MACROD2: variants seen among roughly 807,000 people sequenced by gnomAD.
The protein encoded by MACROD2 is ADP-ribose glycohydrolase MACROD2.
MACROD2 carries 36 observed loss-of-function variants against 70.4 expected under a neutral mutation model. The ratio of observed to expected loss-of-function variants is 0.51; its 90% CI spans 0.39 to 0.68. MACROD2 has a LOEUF of 0.68. Ranked by LOEUF, MACROD2 falls within the 30% of genes least tolerant of loss-of-function variation. The probability of loss-of-function intolerance (pLI) is 0.00; values close to 1 mark genes in which losing one functional copy is unlikely to be tolerated. For missense variants in MACROD2, 496 were observed against 538.4 expected (o/e 0.92, Z 0.78); for synonymous variants, 172 against 178.8 (o/e 0.96, Z 0.30).
At chr20:15,189,429 G>T (rs897676925) in intron 5 of MACROD2, among the ~76,000 whole-genome samples, 2 of 152,040 alleles carry the variant, frequency 1.3e-5, no homozygotes, top group Non-Finnish European at 2.9e-5. Context: ...AGAATCAACC[G>T]GAATTCGGGC....
At chr20:15,233,363 A>C (rs538307424) in intron 6 of MACROD2, among the ~76,000 whole-genome samples, 3 of 152,138 alleles carry the variant, frequency 2.0e-5, no homozygotes, top group Admixed American at 1.3e-4. Context: ...AATTGGAGAA[A>C]GGTCTGAAAG....
At chr20:14,435,242 T>A (rs1318880789) in intron 3 of MACROD2, among the ~76,000 whole-genome samples, 1 of 152,152 alleles carries the variant, frequency 6.6e-6, no homozygotes. Context: ...ATGGACTTCT[T>A]CTCTGTCTGC....
intron 5 of MACROD2, among the ~76,000 whole-genome samples, chr20:14,862,630 A>AATATAAATATATATAAAT (rs2073376135): frequency 9.8e-5 from 1 of 10,214 alleles, no homozygotes; most frequent in Non-Finnish European, 2.2e-4. Flanking sequence ...TATATATATA[A>AATATAAATATATATAAAT]ATATATATAT....
chr20:14,741,609 A>G (rs1456947936), intron 5 of MACROD2, among the ~76,000 whole-genome samples: 1 of 152,162 alleles, frequency 6.6e-6, no homozygotes, highest in African/African-American at 2.4e-5. Flanking sequence ...CAATTCCACT[A>G]TTGACAGGAT....
chr20:15,544,256 A>G (rs919635297), intron 8 of MACROD2, among the ~76,000 whole-genome samples: 1 of 152,208 alleles, frequency 6.6e-6, no homozygotes, highest in Non-Finnish European at 1.5e-5. Flanking sequence ...GGCGTTAATA[A>G]TAATAGCACA....
intron 2 of MACROD2, among the ~76,000 whole-genome samples, chr20:14,062,675 C>A (rs2053704358): frequency 6.6e-6 from 1 of 151,976 alleles, no homozygotes; most frequent in Admixed American, 6.6e-5. Context: ...AGGGGAGTTG[C>A]AGTGAATGTC....
At chr20:14,022,440 CTT>C (rs144434682) in intron 2 of MACROD2, among the ~76,000 whole-genome samples, 54 of 133,246 alleles carry the variant, frequency 4.1e-4, no homozygotes, top group East Asian at 1.7e-3. Flanking sequence ...GAGCCCAATT[CTT>C]TTTTTTTTTT....
At position 14,794,173 on chromosome 20, in the gene MACROD2, T is replaced by G. The variant is rs562156803; in HGVS notation, c.418+109214T>G. On this transcript the variant is annotated intron_variant, in intron 5 of 17. Coordinates refer to ENST00000684519, the MANE Select transcript of MACROD2 (RefSeq NM_001351661.2). ...CTGGAGAACTCACTGGCTCCTTTCA[T>G]TTCGTCTACTATGATATGTTCACTT... Among the ~76,000 whole-genome samples the G allele has an allele frequency of 1.5e-3, 232 of 152,246 alleles. 2 individuals are homozygous for G. Among genetic ancestry groups the G allele is most frequent in the Non-Finnish European group, 2.5e-3 (172 of 68,006 alleles).
At chr20:14,438,864 T>C (rs1417320832) in intron 3 of MACROD2, among the ~76,000 whole-genome samples, 1 of 152,206 alleles carries the variant, frequency 6.6e-6, no homozygotes, top group Non-Finnish European at 1.5e-5. Flanking sequence ...GTAGGTTGTC[T>C]TTTTATTTTA....
intron 5 of MACROD2, among the ~76,000 whole-genome samples, chr20:14,734,274 G>A (rs545417205): frequency 1.4e-4 from 21 of 152,026 alleles, no homozygotes; most frequent in Middle Eastern, 3.4e-3. Flanking sequence ...CGAGGCAGGC[G>A]GATCATGAGG....
intron 8 of MACROD2, among the ~76,000 whole-genome samples, chr20:15,551,115 G>C (rs932651644): frequency 2.0e-5 from 3 of 152,046 alleles, no homozygotes; most frequent in Admixed American, 6.5e-5. Context: ...TGTGAAGCCA[G>C]GGAGGGCTGT....
At chr20:14,751,730 T>A (rs1460619672) in intron 5 of MACROD2, among the ~76,000 whole-genome samples, 1 of 152,118 alleles carries the variant, frequency 6.6e-6, no homozygotes, top group Non-Finnish European at 1.5e-5. Flanking sequence ...AATGCTCAGA[T>A]CCTACATGCC....
intron 5 of MACROD2, among the ~76,000 whole-genome samples, chr20:14,970,591 A>G (rs1285052096): frequency 6.6e-6 from 1 of 152,154 alleles, no homozygotes; most frequent in African/African-American, 2.4e-5. Context: ...ACTATGAATA[A>G]TGTCTTTATT....
intron 3 of MACROD2, among the ~76,000 whole-genome samples, chr20:14,453,160 T>C (rs760060208): frequency 1.3e-5 from 2 of 152,118 alleles, no homozygotes; most frequent in Non-Finnish European, 2.9e-5. Context: ...GCTGATAGTG[T>C]TATTGCATTC....
rs916790662 is a variant in MACROD2, at chr20:14,229,059, C to T, written c.271+143331C>T. Among the ~76,000 whole-genome samples, 36 of 151,662 alleles carry T rather than the reference C, an allele frequency of 2.4e-4. 1 individual carries two copies. Among genetic ancestry groups the T allele is most frequent in the Admixed American group, 2.3e-3 (35 of 15,240 alleles). On this transcript the variant is annotated intron_variant, in intron 3 of 17. Coordinates refer to ENST00000684519, the MANE Select transcript of MACROD2 (RefSeq NM_001351661.2). ...AACAGTGTCAGTATTGCTAGGATGT[C>T]TGTTCTTTCCAACTATATGTTCAAC...
intron 5 of MACROD2, among the ~76,000 whole-genome samples, chr20:15,061,258 T>A (rs2075530305): frequency 6.6e-6 from 1 of 152,170 alleles, no homozygotes; most frequent in Non-Finnish European, 1.5e-5. Context: ...TGCTGCCTCC[T>A]AGAATAGCTG....
At chr20:14,418,454 C>T (rs559911955) in intron 3 of MACROD2, among the ~76,000 whole-genome samples, 1 of 152,236 alleles carries the variant, frequency 6.6e-6, no homozygotes, top group East Asian at 1.9e-4. Flanking sequence ...TTAGAATCTT[C>T]CAGTTGAAAA....
chr20:14,961,415 T>A (rs1042580448), intron 5 of MACROD2, among the ~76,000 whole-genome samples: 6 of 152,192 alleles, frequency 3.9e-5, no homozygotes, highest in African/African-American at 1.4e-4. Context: ...TAATACCCAT[T>A]CCAGGGCACT....
At chr20:15,116,060 A>C (rs1053187078) in intron 5 of MACROD2, among the ~76,000 whole-genome samples, 10 of 152,150 alleles carry the variant, frequency 6.6e-5, no homozygotes, top group Admixed American at 6.5e-4. Flanking sequence ...AAATTTTTTG[A>C]CTCACTTCTT....
Sources: allele counts gnomAD v4.1 joint callset (sites outside exome capture counted in the v4.1 genomes callset), GRCh38; gene constraint gnomAD v4.1.1; transcripts MANE v1.5; gene names NCBI Gene and HGNC (gene_info 2026-07-23, HGNC 2026-07-21).